MYT1L: variants seen among roughly 807,000 people sequenced by gnomAD.
MYT1L encodes the protein myelin transcription factor 1 like, also known as myelin transcription factor 1-like protein.
In MYT1L, 12 loss-of-function variants were observed where a neutral mutation model predicts 126.7. That is an observed-to-expected ratio of 0.09 (90% confidence interval 0.06 to 0.15). MYT1L has a LOEUF of 0.15. Among genes scored for constraint, MYT1L ranks in the 10% least tolerant of loss-of-function variants. The probability of loss-of-function intolerance (pLI) is 1.00; values close to 1 mark genes in which losing one functional copy is unlikely to be tolerated. For synonymous variants in MYT1L, 541 were observed against 604.2 expected (o/e 0.90, Z 1.53); for missense variants, 979 against 1,585.2 (o/e 0.62, Z 6.49).
intron 13 of MYT1L, among the ~76,000 whole-genome samples, chr2:1,904,514 G>A (rs1036994127): frequency 1.4e-4 from 21 of 148,588 alleles, no homozygotes; most frequent in African/African-American, 4.2e-4. Flanking sequence ...GACTACAGGC[G>A]TGCACCACCA....
intron 18 of MYT1L, among the ~76,000 whole-genome samples, chr2:1,874,015 G>GT (rs1445455489): frequency 6.6e-6 from 1 of 152,118 alleles, no homozygotes; most frequent in Non-Finnish European, 1.5e-5. Flanking sequence ...CACGAAGAAA[G>GT]TGACAGGAAA....
At chr2:1,961,288 C>T (rs896633317) in intron 8 of MYT1L, among the ~76,000 whole-genome samples, 1 of 152,192 alleles carries the variant, frequency 6.6e-6, no homozygotes, top group Non-Finnish European at 1.5e-5. Context: ...CAAAACCACA[C>T]TTGTGCCCCT....
At chr2:1,864,600 C>G (rs1423678291) in intron 18 of MYT1L, among the ~76,000 whole-genome samples, 1 of 152,248 alleles carries the variant, frequency 6.6e-6, no homozygotes, top group Non-Finnish European at 1.5e-5. Flanking sequence ...CTGCGCAGAG[C>G]TGTCTCTGTG....
chr2:1,988,398 G>A (rs1033483860), intron 5 of MYT1L, among the ~76,000 whole-genome samples: 1 of 152,246 alleles, frequency 6.6e-6, no homozygotes, highest in African/African-American at 2.4e-5. Flanking sequence ...GGGCCCTGTA[G>A]TGGGCAGTAT....
At chr2:2,317,436 G>A (rs546755659) in intron 1 of MYT1L, among the ~76,000 whole-genome samples, 1 of 151,918 alleles carries the variant, frequency 6.6e-6, no homozygotes, top group African/African-American at 2.4e-5. Context: ...TTAAACAAGG[G>A]CACCGAGAGG....
chr2:2,068,082 G>A (rs972978530), intron 3 of MYT1L, among the ~76,000 whole-genome samples: 5 of 151,988 alleles, frequency 3.3e-5, no homozygotes, highest in Non-Finnish European at 5.9e-5. Context: ...TAATGGTGTC[G>A]GGGCCTGCTC....
At chr2:2,246,240 T>G (rs899943677) in intron 2 of MYT1L, among the ~76,000 whole-genome samples, 3 of 152,194 alleles carry the variant, frequency 2.0e-5, no homozygotes, top group African/African-American at 7.2e-5. Context: ...TGAAATACAC[T>G]AGCAGCCCCC....
At position 2,045,461 on chromosome 2, in the gene MYT1L, C is replaced by A. The variant is rs148152333; in HGVS notation, c.-158+8517G>T. Among the ~76,000 whole-genome samples the A allele has an allele frequency of 7.2e-5, 11 of 152,338 alleles. 1 individual carries two copies. Among genetic ancestry groups the A allele is most frequent in the African/African-American group, 2.6e-4 (11 of 41,582 alleles). On this transcript the variant is annotated intron_variant, in intron 4 of 24. Coordinates refer to ENST00000647738, the MANE Select transcript of MYT1L (RefSeq NM_001303052.2). Reference sequence around the variant, plus strand: ...CTGTCTGCAAGTGCTTTGAATAATTCATAGAGCATCATCAAAACCACCCAC... The same window carrying A: ...CTGTCTGCAAGTGCTTTGAATAATTAATAGAGCATCATCAAAACCACCCAC...
At chr2:2,178,903 A>T (rs2091115720) in intron 2 of MYT1L, among the ~76,000 whole-genome samples, 1 of 152,224 alleles carries the variant, frequency 6.6e-6, no homozygotes, top group South Asian at 2.1e-4. Context: ...AGTTTAAGGA[A>T]ATCTAAGATT....
chr2:2,300,820 C>T (rs1241485051), intron 1 of MYT1L, among the ~76,000 whole-genome samples: 2 of 152,156 alleles, frequency 1.3e-5, no homozygotes, highest in Non-Finnish European at 2.9e-5. Flanking sequence ...CATCTCTCTT[C>T]ACATCTTAGT....
intron 21 of MYT1L, chr2:1,824,738 G>A (rs993983822): frequency 6.6e-6 from 1 of 151,448 alleles, no homozygotes; most frequent in Admixed American, 6.6e-5. Context: ...TCATCCAGAG[G>A]AGAGAGAGGG....
intron 19 of MYT1L, among the ~76,000 whole-genome samples, chr2:1,850,225 TTCCTTCCTTCCTTCCTTCCTTCCTTCCC>T (rs1401339659): frequency 8.5e-5 from 6 of 70,848 alleles, no homozygotes; most frequent in Middle Eastern, 6.2e-3. Flanking sequence ...CCTTCCTTCC[TTCCTTCCTTCCTTCCTTCCTTCCTTCCC>T]TGTCTTTTCT....
intron 2 of MYT1L, among the ~76,000 whole-genome samples, chr2:2,193,449 C>T (rs1270387201): frequency 2.0e-5 from 3 of 152,182 alleles, no homozygotes; most frequent in Non-Finnish European, 4.4e-5. Flanking sequence ...TGTCCTCCTG[C>T]GGCTGCACAC....
At chr2:2,245,079 T>C (rs760757529) in intron 2 of MYT1L, among the ~76,000 whole-genome samples, 22 of 152,208 alleles carry the variant, frequency 1.4e-4, no homozygotes, top group Admixed American at 3.3e-4. Context: ...CATACTCGTA[T>C]TACAGTTTGA....
rs2095668705 is a variant in MYT1L, at chr2:2,295,637, G to GAC, written c.-520-11135_-520-11134insGT. 1.3e-4 allele frequency among the ~76,000 whole-genome samples: 19 copies of GAC among 145,950 alleles called. 2 individuals carry two copies. The South Asian group carries it at 2.7e-3, about 21-fold the overall frequency. On this transcript the variant is annotated intron_variant, in intron 1 of 24. Coordinates refer to ENST00000647738, the MANE Select transcript of MYT1L (RefSeq NM_001303052.2). ...AGAGAGAGAGAGAGACAGACAGACA[G>GAC]AGAGAGAGATAGAGAGACAGACAGA...
At chr2:2,024,503 A>C (rs1273474682) in intron 4 of MYT1L, among the ~76,000 whole-genome samples, 12 of 152,186 alleles carry the variant, frequency 7.9e-5, no homozygotes, top group Non-Finnish European at 7.3e-5. Flanking sequence ...CCTCTGCCAA[A>C]TTAAAATGTT....
At chr2:2,151,502 G>A (rs529782240) in intron 3 of MYT1L, among the ~76,000 whole-genome samples, 1 of 152,146 alleles carries the variant, frequency 6.6e-6, no homozygotes, top group East Asian at 1.9e-4. Flanking sequence ...CACACCCTAA[G>A]AAGCTGAGTC....
intron 13 of MYT1L, among the ~76,000 whole-genome samples, chr2:1,905,242 C>T (rs2148976795): frequency 6.6e-6 from 1 of 152,208 alleles, no homozygotes; most frequent in African/African-American, 2.4e-5. Flanking sequence ...GAATTTTTAT[C>T]ATTCTAAATT....
intron 4 of MYT1L, among the ~76,000 whole-genome samples, chr2:2,044,064 T>A (rs996785439): frequency 4.6e-5 from 7 of 152,232 alleles, no homozygotes; most frequent in Non-Finnish European, 1.0e-4. Context: ...ATTAGTTTTC[T>A]GGGTGAATGT....
Sources: gnomAD v4.1 joint callset for allele counts (sites outside exome capture counted in the v4.1 genomes callset) on GRCh38, gnomAD v4.1.1 for gene constraint, MANE v1.5 for transcripts, NCBI Gene and HGNC (gene_info 2026-07-23, HGNC 2026-07-21) for gene names.